MDN1: variants seen among roughly 807,000 people sequenced by gnomAD.
The protein encoded by MDN1 is midasin.
Under a neutral mutation model 669.2 loss-of-function variants are expected in MDN1, and 266 were observed. That is an observed-to-expected ratio of 0.40 (90% confidence interval 0.36 to 0.44). The LOEUF (loss-of-function observed/expected upper bound fraction) is 0.44. Among genes scored for constraint, MDN1 ranks in the 20% least tolerant of loss-of-function variants. MDN1 has a pLI of 1.00. For synonymous variants in MDN1, 2,385 were observed against 2,457.1 expected (o/e 0.97, Z 0.87); for missense variants, 5,940 against 6,754.0 (o/e 0.88, Z 4.22).
At chr6:89,734,210 G>A (rs535514409) in intron 33 of MDN1, among the ~76,000 whole-genome samples, 1 of 152,138 alleles carries the variant, frequency 6.6e-6, no homozygotes, top group South Asian at 2.1e-4. Context: ...GCTTGGACCT[G>A]GGAGGCAGAG....
At chr6:89,685,568 G>C (rs554472515) in intron 70 of MDN1, among the ~76,000 whole-genome samples, 1 of 152,282 alleles carries the variant, frequency 6.6e-6, no homozygotes, top group African/African-American at 2.4e-5. Flanking sequence ...GAGATGTGCT[G>C]CCTCAACATG....
chr6:89,742,970 T>C (rs934667676), intron 31 of MDN1, among the ~76,000 whole-genome samples, 180 bp downstream of exon 31: 3 of 151,916 alleles, frequency 2.0e-5, no homozygotes, highest in Admixed American at 6.6e-5. Flanking sequence ...TGCACAAGAT[T>C]AAATATCTAT....
chr6:89,687,061 C>T (rs373518293), intron 68 of MDN1, 38 bp from the exon 69 acceptor site: 9 of 1,603,836 alleles, frequency 5.6e-6, no homozygotes, highest in Non-Finnish European at 7.6e-6. Flanking sequence ...TTTAGGAAAA[C>T]CTATTTGAAA....
At chr6:89,784,793 T>A (rs564370238) in intron 9 of MDN1, among the ~76,000 whole-genome samples, 6 of 152,214 alleles carry the variant, frequency 3.9e-5, no homozygotes, top group African/African-American at 1.4e-4. Flanking sequence ...TGGTTATATA[T>A]GAAAATGCCA....
chr6:89,697,217 G>A (rs1408388404), intron 59 of MDN1, among the ~76,000 whole-genome samples: 2 of 152,118 alleles, frequency 1.3e-5, no homozygotes, highest in East Asian at 1.9e-4. Flanking sequence ...TCAAAATGAT[G>A]TTATTACATC....
In MDN1 at chr6:89,715,721, G is replaced by C; in HGVS notation, c.6792C>G (p.Val2264=). 6.2e-7 allele frequency: 1 copy of C among 1,613,810 alleles called. No individual in the cohort carries two copies. Among genetic ancestry groups the C allele is most frequent in the African/African-American group, 1.3e-5 (1 of 75,028 alleles). ...RLNALLEPGG[V]LTISERGMID... is the part of the protein sequence containing the mutation. ...TCATTCCTCTCTCACTAATAGTGAGGACACCTCCGGGTTCAAGCAAAGCAT... is the reference window on the plus strand; with the variant it reads ...TCATTCCTCTCTCACTAATAGTGAGCACACCTCCGGGTTCAAGCAAAGCAT... Residue 2264 remains valine (V), a synonymous_variant, in exon 45 of 102, where the codon GTC becomes GTG. Transcript: ENST00000369393.
rs369009891 is a variant in MDN1 at position 89,707,412 on chromosome 6, T to C, written c.7963A>G (p.Ser2655Gly). Reference sequence around the variant, plus strand: ...AAAACACTCTCTCTTAGCTTTTTGCTACCAACAGAAACCAAATTTGCTTCA... The same window carrying C: ...AAAACACTCTCTCTTAGCTTTTTGCCACCAACAGAAACCAAATTTGCTTCA... ...FTEANLVSVG[S>G]KKLRESVLRM... The change falls in exon 52 of 102, where the codon AGC becomes GGC. Residue 2655 changes from serine (S) to glycine (G), a missense_variant. Physicochemically the swap from Ser to Gly is moderately conservative, Grantham distance 56 (BLOSUM62 0). Transcript: ENST00000369393. 16 of 1,614,090 alleles carry C rather than the reference T, an allele frequency of 9.9e-6. No homozygotes were observed. The highest frequency in any genetic ancestry group is 1.4e-5 in the Non-Finnish European group (16 of 1,179,946).
chr6:89,782,608 AATAATAATAAT>A (rs1818738617), intron 9 of MDN1, among the ~76,000 whole-genome samples: 1 of 818 alleles, frequency 1.2e-3, no homozygotes, highest in Admixed American at 0.018. Context: ...CTCAAAAAAT[AATAATAATAAT>A]AATAATAATA....
At position 89,692,748 on chromosome 6, in the gene MDN1, C is replaced by A; in HGVS notation, c.10282G>T (p.Gly3428Cys). ...LHTSLHSSMV[G>C]ADRLGTLATA... ...GCCAGGGTCCCCAGCCTGTCTGCAC[C>A]AACCATACTGCTGTGGAGTGAGGTG... The change falls in exon 63 of 102, where the codon GGT becomes TGT. Residue 3428 changes from glycine (G) to cysteine (C), a missense_variant. Physicochemically the swap from Gly to Cys is radical, Grantham distance 159. This residue lies in a region of MDN1 where 150 missense variants were observed against 234.2 expected (regional missense o/e 0.64). Coordinates refer to ENST00000369393, the MANE Select transcript of MDN1 (RefSeq NM_014611.3). 6.2e-7 allele frequency: 1 copy of A among 1,613,966 alleles called. No homozygotes were observed. The highest frequency in any genetic ancestry group is 8.5e-7 in the Non-Finnish European group (1 of 1,179,884).
intron 22 of MDN1, 21 bp downstream of exon 22, chr6:89,753,491 A>G (rs1250293904): frequency 1.9e-6 from 3 of 1,569,158 alleles, no homozygotes; most frequent in East Asian, 4.5e-5. Flanking sequence ...GTAACAAGTC[A>G]AAAATAACAA....
rs746774176 is a variant in MDN1, at chr6:89,771,544, T to A, written c.2144+17A>T. 1.2e-6 allele frequency: 2 copies of A among 1,604,364 alleles called. No individual in the cohort carries two copies. Among genetic ancestry groups the A allele is most frequent in the Admixed American group, 1.7e-5 (1 of 58,664 alleles). On this transcript the variant is annotated intron_variant, in intron 15 of 101. Transcript: ENST00000369393. ...AATAAACACAAAAATAAGAAAAAAA[T>A]TTTAAGCCACACTTACCCTCCAAGC...
At chr6:89,718,689 T>A (rs1409956360) in intron 42 of MDN1, 62 bp from the exon 43 acceptor site, 1 of 1,606,924 alleles carries the variant, frequency 6.2e-7, no homozygotes, top group African/African-American at 1.3e-5. Context: ...TCTGTACTCA[T>A]CACCAACTCA....
chr6:89,681,464 G>A (rs539713422), intron 73 of MDN1, among the ~76,000 whole-genome samples: 18 of 152,008 alleles, frequency 1.2e-4, no homozygotes, highest in South Asian at 6.3e-4. Flanking sequence ...ATGAGCCACC[G>A]CACCTCAGAC....
intron 8 of MDN1, among the ~76,000 whole-genome samples, chr6:89,786,087 C>T (rs562954712): frequency 2.0e-5 from 3 of 151,788 alleles, no homozygotes; most frequent in African/African-American, 7.2e-5. Flanking sequence ...CATGGCAAAA[C>T]CCCATCTCTA....
chr6:89,659,004 T>C, intron 88 of MDN1, 87 bp from the exon 89 acceptor site: 1 of 1,320,332 alleles, frequency 7.6e-7, no homozygotes, highest in Non-Finnish European at 1.0e-6. Context: ...GCAAGTTTTG[T>C]CTTATTACAA....
intron 2 of MDN1, among the ~76,000 whole-genome samples, chr6:89,800,435 A>C (rs1767562163): frequency 6.6e-6 from 1 of 152,116 alleles, no homozygotes; most frequent in Admixed American, 6.6e-5. Flanking sequence ...CTCAAAAAAA[A>C]CAAACAACGA....
At chr6:89,683,354 T>C (rs774835970) in intron 72 of MDN1, 24 bp from the exon 73 acceptor site, 2 of 1,604,922 alleles carry the variant, frequency 1.2e-6, no homozygotes, top group Non-Finnish European at 1.7e-6. Context: ...ATGACAGAGA[T>C]AAGAAGAAAA....
chr6:89,653,204 C>G, intron 93 of MDN1, 49 bp from the exon 94 acceptor site: 1 of 1,541,600 alleles, frequency 6.5e-7, no homozygotes, highest in Non-Finnish European at 8.8e-7. Context: ...AGCCTGATGA[C>G]TGACCAAGCC....
chr6:89,715,687 A>G lies in MDN1; in HGVS notation c.6826T>C (p.Ser2276Pro), dbSNP rs757961316. The G allele has an allele frequency of 6.2e-7, 1 of 1,612,972 alleles. No individual in the cohort carries two copies. Among genetic ancestry groups the G allele is most frequent in the East Asian group, 2.2e-5 (1 of 44,876 alleles). Residue 2276 changes from serine (S) to proline (P), a missense_variant, in exon 45 of 102, where the codon TCC becomes CCC. Ser to Pro is a moderately conservative substitution (Grantham distance 74, BLOSUM62 -1). Coordinates refer to ENST00000369393, the MANE Select transcript of MDN1 (RefSeq NM_014611.3). The stretch of plus-strand genomic sequence containing the variant: ...GGATTTGGTGTTATCGTGGGAGTGG[A>G]TCCATCTATCATTCCTCTCTCACTA... ...TISERGMIDGSTPTITPNPNF... is the reference protein window; with the variant it reads ...TISERGMIDGPTPTITPNPNF...
Sources: gnomAD v4.1 joint callset for allele counts (sites outside exome capture counted in the v4.1 genomes callset) on GRCh38, gnomAD v4.1.1 for gene constraint, gnomAD v4.1.1 regional missense constraint, MANE v1.5 for transcripts, NCBI Gene and HGNC (gene_info 2026-07-23, HGNC 2026-07-21) for gene names.